The following FMN2 variants were observed in gnomAD, a reference collection of about 807,000 sequenced individuals.
The protein encoded by FMN2 is formin 2.
Under a neutral mutation model 142.3 loss-of-function variants are expected in FMN2, and 51 were observed. That is an observed-to-expected ratio of 0.36 (90% CI 0.29 to 0.45). The LOEUF is 0.45. FMN2 is among the 20% of genes least tolerant of loss of function. The pLI is 1.00. For synonymous variants in FMN2, 882 were observed against 869.8 expected (o/e 1.01, Z -0.25); for missense variants, 1,936 against 2,122.8 (o/e 0.91, Z 1.73).
chr1:240,187,269 CAAA>C (rs10610560), intron 3 of FMN2, among the ~76,000 whole-genome samples: 1,670 of 83,720 alleles, frequency 0.02, 17 homozygotes, highest in African/African-American at 0.058. Context: ...AACTCCATCT[CAAA>C]AAAAAAAAAA....
At chr1:240,463,694 G>A (rs893282505) in intron 16 of FMN2, among the ~76,000 whole-genome samples, 1 of 152,184 alleles carries the variant, frequency 6.6e-6, no homozygotes, top group Admixed American at 6.5e-5. Context: ...TGAAGGATAA[G>A]TGAGTTGTCA....
chr1:240,168,809 C>A (rs779937080), intron 2 of FMN2, among the ~76,000 whole-genome samples: 57 of 152,164 alleles, frequency 3.7e-4, no homozygotes, highest in Non-Finnish European at 4.3e-4. Flanking sequence ...CCAGAATCTC[C>A]AAACATGTGG....
At chr1:240,200,009 A>T (rs375159362) in intron 4 of FMN2, among the ~76,000 whole-genome samples, 164 of 152,352 alleles carry the variant, frequency 1.1e-3, no homozygotes, top group African/African-American at 3.8e-3. Context: ...AAGGCTAAAG[A>T]TAATGAAAAG....
At chr1:240,157,839 A>G (rs1432069110) in intron 2 of FMN2, among the ~76,000 whole-genome samples, 1 of 152,056 alleles carries the variant, frequency 6.6e-6, no homozygotes, top group Non-Finnish European at 1.5e-5. Flanking sequence ...TTTTATAAAT[A>G]TATATCACTG....
intron 15 of FMN2, among the ~76,000 whole-genome samples, chr1:240,414,963 G>T (rs536541496): frequency 8.6e-4 from 131 of 152,288 alleles, no homozygotes; most frequent in Non-Finnish European, 1.5e-3. Context: ...AATTGCATTT[G>T]AGAATAAATG....
At chr1:240,380,262 A>G (rs917912523) in intron 14 of FMN2, among the ~76,000 whole-genome samples, 3 of 152,208 alleles carry the variant, frequency 2.0e-5, no homozygotes, top group Admixed American at 6.5e-5. Context: ...AATTTTTTAA[A>G]TGAAAATAAT....
intron 1 of FMN2, among the ~76,000 whole-genome samples, chr1:240,098,604 T>A (rs1485275822): frequency 6.6e-6 from 1 of 152,224 alleles, no homozygotes; most frequent in Non-Finnish European, 1.5e-5. Flanking sequence ...GGGGTTTATA[T>A]GAATGCTATG....
intron 7 of FMN2, among the ~76,000 whole-genome samples, chr1:240,284,127 C>G (rs1050760302): frequency 2.0e-5 from 3 of 152,142 alleles, no homozygotes; most frequent in Non-Finnish European, 2.9e-5. Flanking sequence ...TCAATGGCAA[C>G]CTACCTTAGC....
At chr1:240,232,691 C>T (rs1667568694) in intron 6 of FMN2, among the ~76,000 whole-genome samples, 1 of 152,142 alleles carries the variant, frequency 6.6e-6, no homozygotes, top group Non-Finnish European at 1.5e-5. Flanking sequence ...TGTTTGTTTT[C>T]AGTTTGCCCT....
At chr1:240,200,224 C>T (rs1666075549) in intron 4 of FMN2, among the ~76,000 whole-genome samples, 1 of 152,258 alleles carries the variant, frequency 6.6e-6, no homozygotes, top group East Asian at 1.9e-4. Context: ...GAGCTTCATT[C>T]CACTTTGTGT....
chr1:240,342,246 C>T (rs1393127811), intron 13 of FMN2, among the ~76,000 whole-genome samples: 1 of 152,198 alleles, frequency 6.6e-6, no homozygotes, highest in Non-Finnish European at 1.5e-5. Context: ...AGAGGGAAAG[C>T]TCAGGCTATA....
intron 8 of FMN2, among the ~76,000 whole-genome samples, chr1:240,310,125 A>T (rs1007475103): frequency 2.6e-5 from 4 of 152,190 alleles, no homozygotes; most frequent in African/African-American, 9.7e-5. Flanking sequence ...GTACATGTGA[A>T]TTTTATCTAG....
intron 15 of FMN2, among the ~76,000 whole-genome samples, chr1:240,435,597 C>T (rs1396956571): frequency 1.3e-5 from 2 of 152,082 alleles, no homozygotes; most frequent in Admixed American, 6.6e-5. Context: ...GACACTTTGG[C>T]AATTCATTTT....
chr1:240,343,834 TAGAC>T (rs1452827755), intron 13 of FMN2, among the ~76,000 whole-genome samples: 2 of 152,272 alleles, frequency 1.3e-5, no homozygotes, highest in African/African-American at 4.8e-5. Flanking sequence ...CAATCTCACA[TAGAC>T]AGGCAGGAAG....
At chr1:240,172,908 G>C (rs906718205) in intron 2 of FMN2, among the ~76,000 whole-genome samples, 1 of 150,176 alleles carries the variant, frequency 6.7e-6, no homozygotes, top group African/African-American at 2.5e-5. Context: ...TAATTCAGTA[G>C]GCAGCCAGTG....
At chr1:240,276,831 G>A (rs1669228984) in intron 7 of FMN2, among the ~76,000 whole-genome samples, 1 of 152,158 alleles carries the variant, frequency 6.6e-6, no homozygotes, top group African/African-American at 2.4e-5. Flanking sequence ...GACGAAGAGA[G>A]ATGTATTCTA....
chr1:240,223,284 C>T lies in FMN2; in HGVS notation c.4065+12049C>T, dbSNP rs116415028. On this transcript the variant is annotated intron_variant, in intron 6 of 17. Transcript: ENST00000319653. ...CTGGTTCTGTTTATGTGATGGGTTA[C>T]GTTTTTGATTTATGTATGTTGAACC... Among the ~76,000 whole-genome samples, 728 of 152,144 alleles carry T rather than the reference C, an allele frequency of 4.8e-3. 7 individuals carry two copies. The highest frequency in any genetic ancestry group is 0.017 in the African/African-American group (700 of 41,496).
At chr1:240,241,990 T>C (rs1049217956) in intron 6 of FMN2, among the ~76,000 whole-genome samples, 22 of 151,776 alleles carry the variant, frequency 1.4e-4, no homozygotes, top group African/African-American at 2.9e-4. Flanking sequence ...GGACTACAGG[T>C]GCCCGCCACC....
intron 2 of FMN2, among the ~76,000 whole-genome samples, chr1:240,127,634 T>C (rs1233569676): frequency 6.6e-6 from 1 of 152,130 alleles, no homozygotes; most frequent in Non-Finnish European, 1.5e-5. Flanking sequence ...TGAGCCACCA[T>C]GCCCAGCTAA....
Sources: gnomAD v4.1 joint callset for allele counts (sites outside exome capture counted in the v4.1 genomes callset) on GRCh38, gnomAD v4.1.1 for gene constraint, MANE v1.5 for transcripts, NCBI Gene and HGNC (gene_info 2026-07-23, HGNC 2026-07-21) for gene names.